SDK1: variants seen among roughly 807,000 people sequenced by gnomAD.
SDK1 encodes the protein sidekick cell adhesion molecule 1.
In SDK1, 157 loss-of-function variants were observed where a neutral mutation model predicts 245.5. That is an observed-to-expected ratio of 0.64 (90% CI 0.56 to 0.73). The LOEUF (loss-of-function observed/expected upper bound fraction) is 0.73. Ranked by LOEUF, SDK1 falls within the 30% of genes least tolerant of loss-of-function variation. SDK1 has a pLI of 0.00. For missense variants in SDK1, 3,583 were observed against 3,002.3 expected (o/e 1.19, Z -4.52); for synonymous variants, 1,647 against 1,278.5 (o/e 1.29, Z -6.15).
chr7:4,135,060 C>T (rs1778973553), intron 28 of SDK1, among the ~76,000 whole-genome samples: 1 of 152,206 alleles, frequency 6.6e-6, no homozygotes, highest in African/African-American at 2.4e-5. Flanking sequence ...GGCTTCTCCT[C>T]AGCACGCCCG....
intron 1 of SDK1, among the ~76,000 whole-genome samples, chr7:3,468,183 C>T (rs1305930767): frequency 6.6e-6 from 1 of 152,092 alleles, no homozygotes; most frequent in Non-Finnish European, 1.5e-5. Context: ...ATCTGTTATT[C>T]ATGCTTTTCT....
chr7:3,499,168 G>A (rs1263351760), intron 1 of SDK1, among the ~76,000 whole-genome samples: 2 of 152,172 alleles, frequency 1.3e-5, no homozygotes, highest in Admixed American at 6.5e-5. Context: ...CTGAATAGCT[G>A]AAATTTTACG....
intron 2 of SDK1, among the ~76,000 whole-genome samples, chr7:3,628,692 CA>C (rs2128647303): frequency 1.3e-5 from 2 of 152,234 alleles, no homozygotes; most frequent in East Asian, 3.9e-4. Flanking sequence ...CAACCTGGGT[CA>C]AGATAAAGTA....
intron 14 of SDK1, among the ~76,000 whole-genome samples, chr7:4,010,528 C>A (rs1036328814): frequency 6.6e-6 from 1 of 152,198 alleles, no homozygotes; most frequent in Admixed American, 6.5e-5. Flanking sequence ...TTATCATGCT[C>A]ATTTCCTCTT....
intron 17 of SDK1, among the ~76,000 whole-genome samples, chr7:4,029,538 A>G (rs1267552891): frequency 1.3e-5 from 2 of 152,040 alleles, no homozygotes; most frequent in Non-Finnish European, 2.9e-5. Flanking sequence ...TCATTCATTC[A>G]TTCATTCATT....
intron 5 of SDK1, among the ~76,000 whole-genome samples, chr7:3,833,177 T>TG (rs1779951057): frequency 6.6e-6 from 1 of 152,124 alleles, no homozygotes; most frequent in Admixed American, 6.6e-5. Flanking sequence ...CTTAAAAGAA[T>TG]GAAGGCTTTT....
At chr7:3,992,586 A>C (rs563327048) in intron 14 of SDK1, among the ~76,000 whole-genome samples, 176 of 152,324 alleles carry the variant, frequency 1.2e-3, no homozygotes, top group African/African-American at 4.0e-3. Flanking sequence ...CTGTTGAATA[A>C]TGAAAGCATT....
chr7:3,789,941 G>T (rs1288980653), intron 4 of SDK1, among the ~76,000 whole-genome samples: 1 of 152,130 alleles, frequency 6.6e-6, no homozygotes, highest in Non-Finnish European at 1.5e-5. Flanking sequence ...GGGGGCAAGT[G>T]GCAGGAGTGG....
chr7:3,604,957 A>C (rs1758432208), intron 1 of SDK1, among the ~76,000 whole-genome samples: 1 of 151,800 alleles, frequency 6.6e-6, no homozygotes, highest in African/African-American at 2.4e-5. Context: ...TTCAGTTTCC[A>C]GGTCTTTGGA....
intron 5 of SDK1, among the ~76,000 whole-genome samples, chr7:3,907,057 T>A (rs1051940416): frequency 6.6e-6 from 1 of 152,216 alleles, no homozygotes; most frequent in East Asian, 1.9e-4. Context: ...AGGAATAGGG[T>A]CTGAGCCAGT....
intron 1 of SDK1, among the ~76,000 whole-genome samples, chr7:3,355,176 T>C (rs890873965): frequency 6.6e-6 from 1 of 152,248 alleles, no homozygotes; most frequent in African/African-American, 2.4e-5. Context: ...GAGTATCTTA[T>C]ATCTAAAAAT....
chr7:3,509,625 G>A (rs971641924), intron 1 of SDK1, among the ~76,000 whole-genome samples: 1 of 152,164 alleles, frequency 6.6e-6, no homozygotes, highest in African/African-American at 2.4e-5. Flanking sequence ...GAGCTGGTCT[G>A]TCTGTCTCTG....
intron 9 of SDK1, among the ~76,000 whole-genome samples, chr7:3,965,517 A>G (rs2128130915): frequency 6.6e-6 from 1 of 152,314 alleles, no homozygotes; most frequent in African/African-American, 2.4e-5. Flanking sequence ...TAATTAAAAT[A>G]CCCTTAATGA....
intron 4 of SDK1, among the ~76,000 whole-genome samples, chr7:3,662,512 G>T (rs946788143): frequency 2.0e-5 from 3 of 152,184 alleles, no homozygotes; most frequent in Non-Finnish European, 4.4e-5. Context: ...AGGCAGAGAA[G>T]GCAGTGAGGA....
intron 4 of SDK1, among the ~76,000 whole-genome samples, chr7:3,707,060 C>T (rs1784912648): frequency 6.6e-6 from 1 of 151,936 alleles, no homozygotes; most frequent in South Asian, 2.1e-4. Flanking sequence ...TTTCATTTTG[C>T]TCTGGATCTT....
intron 5 of SDK1, among the ~76,000 whole-genome samples, chr7:3,867,431 C>G (rs551441383): frequency 1.3e-5 from 2 of 152,096 alleles, no homozygotes; most frequent in African/African-American, 4.8e-5. Context: ...AAGACATACC[C>G]GAGACTGGGA....
intron 9 of SDK1, 136 bp from the exon 10 acceptor site, chr7:3,967,182 C>T: frequency 1.4e-6 from 1 of 707,668 alleles, no homozygotes; most frequent in Non-Finnish European, 2.5e-6. Context: ...GCCGTCCCTC[C>T]TGAACAGTAT....
At chr7:3,552,103 A>G (rs1351515370) in intron 1 of SDK1, among the ~76,000 whole-genome samples, 4 of 151,754 alleles carry the variant, frequency 2.6e-5, no homozygotes, top group Non-Finnish European at 4.4e-5. Flanking sequence ...CGGTGGCGCA[A>G]TCTTGGCTCA....
rs748836687 is a variant in SDK1 at position 4,237,751 on chromosome 7, G to A, written c.6097G>A (p.Gly2033Arg). The A allele has an allele frequency of 2.7e-5, 43 of 1,614,016 alleles. No individual in the cohort carries two copies. The highest frequency in any genetic ancestry group is 5.5e-5 in the South Asian group (5 of 91,082). ...LLVVFALVLH[G>R]QNKKYKNCST... ...GGTGGTGTTCGCCCTCGTCCTGCAC[G>A]GGCAGAATAAGAAGTATAAGAACTG... The change falls in exon 42 of 45, where the codon GGG (glycine) becomes AGG (arginine). Residue 2033 changes from glycine to arginine, a missense_variant. Transcript: ENST00000404826.
Sources: gnomAD v4.1 joint callset for allele counts (sites outside exome capture counted in the v4.1 genomes callset) on GRCh38, gnomAD v4.1.1 for gene constraint, MANE v1.5 for transcripts, NCBI Gene and HGNC (gene_info 2026-07-23, HGNC 2026-07-21) for gene names.